ZNF362: variants seen among roughly 807,000 people sequenced by gnomAD.
ZNF362 encodes zinc finger protein 362, also known as rotund homolog.
A neutral mutation model predicts 42.9 loss-of-function variants in ZNF362; 11 were observed. The ratio of observed to expected loss-of-function variants is 0.26; its 90% CI spans 0.16 to 0.42. The LOEUF is 0.42. Among genes scored for constraint, ZNF362 ranks in the 20% least tolerant of loss-of-function variants. The pLI is 1.00. For missense variants in ZNF362, 362 were observed against 576.2 expected, an observed-to-expected ratio of 0.63 and a Z score of 3.81; for synonymous variants, 255 against 257.3, an observed-to-expected ratio of 0.99 and a Z score of 0.09.
chr1:33,169,477 C>T, the ZNF362 span, among the ~76,000 whole-genome samples: 1 of 152,204 alleles, frequency 6.6e-6, no homozygotes, highest in Non-Finnish European at 1.5e-5. Flanking sequence ...TCCAAGTGCC[C>T]TGCACAGCAG....
the ZNF362 span, among the ~76,000 whole-genome samples, chr1:33,247,274 T>A: frequency 6.6e-6 from 1 of 152,220 alleles, no homozygotes; most frequent in Non-Finnish European, 1.5e-5. Context: ...TCAGGGCAGG[T>A]CAAGTATTGA....
At chr1:33,228,193 A>G in the ZNF362 span, among the ~76,000 whole-genome samples, 1 of 151,842 alleles carries the variant, frequency 6.6e-6, no homozygotes, top group South Asian at 2.1e-4. Context: ...TAGGCACATC[A>G]TCTTCCCCTC....
At chr1:33,272,481 A>G (rs910827804) in intron 2 of ZNF362, among the ~76,000 whole-genome samples, 2 of 152,164 alleles carry the variant, frequency 1.3e-5, no homozygotes, top group Non-Finnish European at 2.9e-5. Flanking sequence ...TCATCCGCCC[A>G]TCCACTGTTT....
At chr1:33,192,715 T>C in the ZNF362 span, among the ~76,000 whole-genome samples, 1 of 152,044 alleles carries the variant, frequency 6.6e-6, no homozygotes, top group Non-Finnish European at 1.5e-5. Context: ...TAACAGTTGG[T>C]AGGAAAGGTC....
At chr1:33,231,209 A>G in the ZNF362 span, among the ~76,000 whole-genome samples, 1 of 152,180 alleles carries the variant, frequency 6.6e-6, no homozygotes, top group Non-Finnish European at 1.5e-5. Flanking sequence ...ACGATTGCTC[A>G]GTGTCAAACA....
At chr1:33,275,188 G>A (rs1218311255) in intron 2 of ZNF362, 4 of 985,320 alleles carry the variant, frequency 4.1e-6, no homozygotes, top group Middle Eastern at 5.2e-4. Context: ...CATGGTCCCT[G>A]TAAGTCACTT....
At chr1:33,282,204 G>A (rs534265391) in intron 6 of ZNF362, among the ~76,000 whole-genome samples, 3 of 152,146 alleles carry the variant, frequency 2.0e-5, no homozygotes, top group Non-Finnish European at 2.9e-5. Context: ...AGGCTGTCAC[G>A]CCCGTGTCTC....
upstream of ZNF362, among the ~76,000 whole-genome samples, chr1:33,256,023 C>T (rs1175736282): frequency 6.6e-6 from 1 of 151,572 alleles, no homozygotes; most frequent in Non-Finnish European, 1.5e-5. Flanking sequence ...GCCCCGGGAG[C>T]CCCCGCGCTG....
At chr1:33,238,296 G>A in the ZNF362 span, among the ~76,000 whole-genome samples, 3 of 104,726 alleles carry the variant, frequency 2.9e-5, no homozygotes, top group African/African-American at 1.0e-4. Flanking sequence ...GCCAGCCCGG[G>A]TGACAGTGTG....
chr1:33,296,257 G>T (rs780424528), intron 8 of ZNF362, among the ~76,000 whole-genome samples: 3 of 152,266 alleles, frequency 2.0e-5, no homozygotes, highest in South Asian at 4.1e-4. Flanking sequence ...GCCTCCATCC[G>T]CTAGATGCCA....
At chr1:33,288,777 T>TA (rs1478516359) in intron 6 of ZNF362, among the ~76,000 whole-genome samples, 2 of 101,012 alleles carry the variant, frequency 2.0e-5, no homozygotes, top group African/African-American at 6.7e-5. Flanking sequence ...CGTGACCACC[T>TA]AGAGTCAGGG....
At chr1:33,147,613 G>A in the ZNF362 span, 1 of 1,613,988 alleles carries the variant, frequency 6.2e-7, no homozygotes, top group Admixed American at 1.7e-5. The surrounding 1 kb of genome is among the most constrained non-coding windows in gnomAD (Gnocchi z 8.1). Flanking sequence ...GAAGCGCTTT[G>A]GCGAGTCCTG....
the ZNF362 span, among the ~76,000 whole-genome samples, chr1:33,202,368 G>A: frequency 6.6e-6 from 1 of 152,042 alleles, no homozygotes; most frequent in Admixed American, 6.6e-5. Context: ...AGGCGAGGGC[G>A]GGCGGATCAC....
chr1:33,298,818 C>T (rs948035149), intron 8 of ZNF362, 112 bp from the exon 9 acceptor site: 1 of 862,202 alleles, frequency 1.2e-6, no homozygotes, highest in African/African-American at 1.6e-5. Context: ...GGCTGTCCTC[C>T]ACCCTCTGAA....
chr1:33,297,598 G>A (rs990072288), intron 8 of ZNF362, among the ~76,000 whole-genome samples: 1 of 132,784 alleles, frequency 7.5e-6, no homozygotes, highest in Non-Finnish European at 1.5e-5. Flanking sequence ...TGCAACATCC[G>A]CCTCCCAGGT....
the ZNF362 span, among the ~76,000 whole-genome samples, chr1:33,155,955 C>A: frequency 3.3e-5 from 5 of 152,212 alleles, no homozygotes. Flanking sequence ...GATCTTGCTT[C>A]CTGCTTTACT....
the ZNF362 span, among the ~76,000 whole-genome samples, chr1:33,209,833 G>T: frequency 4.9e-4 from 74 of 151,944 alleles, no homozygotes; most frequent in Admixed American, 1.0e-3. Flanking sequence ...TATTAGTCTT[G>T]CTAGTGGTCT....
At chr1:33,293,397 C>T (rs1646094031) in intron 6 of ZNF362, among the ~76,000 whole-genome samples, 1 of 152,132 alleles carries the variant, frequency 6.6e-6, no homozygotes. Flanking sequence ...GGAATTTGGA[C>T]TTTGTCAGTG....
At chr1:33,243,665 C>T in the ZNF362 span, among the ~76,000 whole-genome samples, 2 of 151,328 alleles carry the variant, frequency 1.3e-5, no homozygotes, top group African/African-American at 4.9e-5. Flanking sequence ...GGTGCGATCT[C>T]AGCTCACTGC....
Sources: allele counts gnomAD v4.1 joint callset (sites outside exome capture counted in the v4.1 genomes callset), GRCh38; gene constraint gnomAD v4.1.1; non-coding constraint Gnocchi (gnomAD v3.1); transcripts MANE v1.5; gene names NCBI Gene and HGNC (gene_info 2026-07-23, HGNC 2026-07-21).